Variants in MME observed in about 807,000 individuals in gnomAD.
MME encodes the protein neprilysin.
MME carries 98 observed loss-of-function variants against 113.2 expected under a neutral mutation model. That is an observed-to-expected ratio of 0.87 (90% CI 0.74 to 1.02). The LOEUF (loss-of-function observed/expected upper bound fraction) is 1.02. MME is among the 50% of genes least tolerant of loss of function. The probability of loss-of-function intolerance (pLI) is 0.00; values close to 1 mark genes in which losing one functional copy is unlikely to be tolerated. For synonymous variants in MME, 292 were observed against 300.6 expected, an observed-to-expected ratio of 0.97 and a Z score of 0.30; for missense variants, 836 against 896.0, an observed-to-expected ratio of 0.93 and a Z score of 0.86.
intron 3 of MME, chr3:155,089,793 C>A: frequency 2.3e-6 from 1 of 438,918 alleles, no homozygotes; most frequent in Non-Finnish European, 4.6e-6. Flanking sequence ...GCCTGGCCTA[C>A]ATGGTGAAAC....
intron 7 of MME, 89 bp downstream of exon 7, chr3:155,117,075 G>A (rs1358776061): frequency 3.6e-6 from 3 of 824,376 alleles, no homozygotes; most frequent in Non-Finnish European, 6.3e-6. Context: ...TAGAAATAAT[G>A]CTATTTTCAA....
chr3:155,106,355 ACT>A (rs61763221), intron 3 of MME, among the ~76,000 whole-genome samples: 12 of 151,986 alleles, frequency 7.9e-5, no homozygotes, highest in Admixed American at 6.6e-4. Flanking sequence ...GGTATCCCCC[ACT>A]CTCCATCTTT....
rs933080875 is a variant in MME at position 155,088,501 on chromosome 3, T to A, written c.196+3407T>A. 4.0e-5 allele frequency among the ~76,000 whole-genome samples: 6 copies of A among 151,892 alleles called. No individual in the cohort carries two copies. The East Asian group carries it at 1.2e-3, about 29-fold the overall frequency. On this transcript the variant is annotated intron_variant, in intron 3 of 22. Transcript: ENST00000360490. The stretch of plus-strand genomic sequence containing the variant: ...GAGTTCAAGACCAGCCTGACCAACA[T>A]GGAGAAAACCCATCTCTACTAAAAA...
chr3:155,092,493 C>T (rs1208428291), intron 3 of MME, among the ~76,000 whole-genome samples: 1 of 152,182 alleles, frequency 6.6e-6, no homozygotes, highest in African/African-American at 2.4e-5. Flanking sequence ...AGCAATTCTA[C>T]TCCTAGGTGT....
intron 8 of MME, among the ~76,000 whole-genome samples, chr3:155,134,518 A>G (rs1553762742): frequency 6.6e-6 from 1 of 151,990 alleles, no homozygotes; most frequent in African/African-American, 2.4e-5. Flanking sequence ...TATGTACCAC[A>G]TTTTCTTTAT....
chr3:155,120,073 C>G, intron 8 of MME, among the ~76,000 whole-genome samples: 4 of 36,480 alleles, frequency 1.1e-4, no homozygotes, highest in African/African-American at 3.0e-4. Flanking sequence ...CTCTCCAGCA[C>G]CTGTTGTTTC....
chr3:155,167,340 C>CGTCTTAAA (rs1723177140), intron 18 of MME, among the ~76,000 whole-genome samples: 2 of 152,098 alleles, frequency 1.3e-5, no homozygotes, highest in Admixed American at 6.6e-5. Flanking sequence ...TCTTGTCATA[C>CGTCTTAAA]TCTTAAAGGA....
rs547784775 is a variant in MME at position 155,052,016 on chromosome 3, G to A, written c.-11+27692G>A. Among the ~76,000 whole-genome samples the A allele has an allele frequency of 1.1e-4, 16 of 152,234 alleles. 1 individual carries two copies. Among genetic ancestry groups the A allele is most frequent in the African/African-American group, 3.4e-4 (14 of 41,544 alleles). On this transcript the variant is annotated intron_variant, in intron 1 of 22. Coordinates refer to the MME transcript ENST00000492661. ...ATTGGCCAAAACAAAGGGGTTATAC[G>A]CCCCATACAAATCTGAAATCAATAG...
At chr3:155,167,340 C>T (rs936827729) in intron 18 of MME, among the ~76,000 whole-genome samples, 7 of 152,098 alleles carry the variant, frequency 4.6e-5, no homozygotes, top group Non-Finnish European at 8.8e-5. Flanking sequence ...TCTTGTCATA[C>T]TCTTAAAGGA....
At chr3:155,043,414 C>A (rs1004297378) in intron 1 of MME, among the ~76,000 whole-genome samples, 27 of 151,898 alleles carry the variant, frequency 1.8e-4, no homozygotes, top group African/African-American at 6.5e-4. Context: ...TCACTGCAAC[C>A]TCCACCTCCC....
intron 1 of MME, among the ~76,000 whole-genome samples, chr3:155,052,991 C>T (rs1187196095): frequency 1.3e-5 from 2 of 152,196 alleles, no homozygotes; most frequent in African/African-American, 4.8e-5. Flanking sequence ...TGCCACTAGT[C>T]TCTTTGCACA....
chr3:155,110,133 A>G (rs1718067850), intron 3 of MME, among the ~76,000 whole-genome samples: 1 of 152,226 alleles, frequency 6.6e-6, no homozygotes, highest in Non-Finnish European at 1.5e-5. Flanking sequence ...AGAAGACAGG[A>G]CAAAGGAAGA....
intron 1 of MME, among the ~76,000 whole-genome samples, chr3:155,040,710 A>G (rs753339171): frequency 1.6e-4 from 25 of 152,066 alleles, no homozygotes; most frequent in Non-Finnish European, 3.4e-4. Flanking sequence ...AAAATTTTTC[A>G]TAAGTTCAAA....
In MME at chr3:155,146,397, A is replaced by G. The variant is rs148847082; in HGVS notation, c.1417-747A>G. On this transcript the variant is annotated intron_variant, in intron 14 of 22. Transcript: ENST00000360490. ...AAAAATTATCTGGGCATGGTGGTGC[A>G]TGCCTGTAGTCCCAGCTATTTGGGA... Among the ~76,000 whole-genome samples the G allele has an allele frequency of 3.8e-4, 58 of 152,010 alleles. 1 individual carries two copies. The highest frequency in any genetic ancestry group is 1.3e-3 in the African/African-American group (54 of 41,490).
intron 22 of MME, among the ~76,000 whole-genome samples, chr3:155,172,885 C>T (rs1236132955): frequency 6.6e-6 from 1 of 152,020 alleles, no homozygotes; most frequent in East Asian, 1.9e-4. Flanking sequence ...AAGATGTCGC[C>T]TCAGAACAGT....
intron 1 of MME, among the ~76,000 whole-genome samples, chr3:155,064,550 A>G (rs1466233098): frequency 1.3e-5 from 2 of 152,206 alleles, no homozygotes; most frequent in African/African-American, 4.8e-5. Flanking sequence ...GTTATTTATT[A>G]AACTGCACAT....
At position 155,147,221 on chromosome 3, in the gene MME, C is replaced by T. The variant is rs767470731; in HGVS notation, c.1494C>T (p.Leu498=). 6 of 1,578,930 alleles carry T rather than the reference C, an allele frequency of 3.8e-6. No homozygotes were observed. In the South Asian group the frequency reaches 4.4e-5, roughly 12 times the overall value. The part of the protein sequence containing the change: ...SNDNKLNNEY[L]ELNYKEDEYF... Reference sequence around the variant, plus strand: ...ATAACAAACTGAATAATGAGTACCTCGAGGTAAGTCTCTATAAAATAGACT... The same window carrying T: ...ATAACAAACTGAATAATGAGTACCTTGAGGTAAGTCTCTATAAAATAGACT... The change falls in exon 15 of 23, where the codon CTC becomes CTT. Residue 498 remains leucine (L), a synonymous_variant. Coordinates refer to ENST00000360490, the MANE Select transcript of MME (RefSeq NM_007289.4).
At position 155,051,067 on chromosome 3, in the gene MME, G is replaced by T. The variant is rs144313916; in HGVS notation, c.-11+26743G>T. Among the ~76,000 whole-genome samples, 394 of 152,256 alleles carry T rather than the reference G, an allele frequency of 2.6e-3. 3 individuals carry two copies. Among genetic ancestry groups the T allele is most frequent in the African/African-American group, 9.2e-3 (384 of 41,544 alleles). On this transcript the variant is annotated intron_variant, in intron 1 of 22. Transcript: ENST00000492661. ...TCTTTGCCGCTCGTAGAAAAATGTG[G>T]CAGAAAAGACATAAATTGAGGAAGA...
In MME at chr3:155,116,476, C is replaced by T. The variant is rs745418124; in HGVS notation, c.359-3C>T. 6 of 1,597,550 alleles carry T rather than the reference C, an allele frequency of 3.8e-6. No homozygotes were observed. The highest frequency in any genetic ancestry group is 5.1e-6 in the Non-Finnish European group (6 of 1,165,490). The stretch of plus-strand genomic sequence containing the variant: ...ATGCATTTTATTAAATGTCCTATTT[C>T]AGATGTCCTTCAAGAACCCAAAACT... On this transcript the variant is annotated splice_region_variant and splice_polypyrimidine_tract_variant and intron_variant, in intron 4 of 22. Coordinates refer to ENST00000360490, the MANE Select transcript of MME (RefSeq NM_007289.4).
Sources: gnomAD v4.1 joint callset for allele counts (sites outside exome capture counted in the v4.1 genomes callset) on GRCh38, gnomAD v4.1.1 for gene constraint, MANE v1.5 for transcripts, NCBI Gene and HGNC (gene_info 2026-07-23, HGNC 2026-07-21) for gene names.